Variants in ZMYND8 observed in about 807,000 individuals in gnomAD.
The protein encoded by ZMYND8 is MYND-type zinc finger-containing chromatin reader ZMYND8.
ZMYND8 carries 37 observed loss-of-function variants against 140.8 expected under a neutral mutation model. The observed-to-expected ratio is 0.26, with a 90% CI of 0.20 to 0.35. The LOEUF (loss-of-function observed/expected upper bound fraction) is 0.35. ZMYND8 is among the 10% of genes least tolerant of loss of function. The probability of loss-of-function intolerance (pLI) is 1.00; values close to 1 mark genes in which losing one functional copy is unlikely to be tolerated. For synonymous variants in ZMYND8, 592 were observed against 597.1 expected (o/e 0.99, Z 0.12); for missense variants, 1,068 against 1,570.0 (o/e 0.68, Z 5.40).
At chr20:47,214,977 A>T (rs2035864023) in intron 21 of ZMYND8, among the ~76,000 whole-genome samples, 1 of 152,204 alleles carries the variant, frequency 6.6e-6, no homozygotes, top group Non-Finnish European at 1.5e-5. Context: ...CAGCTACTCA[A>T]GAGGCTGAAG....
rs2077802489 is a variant in ZMYND8 at position 47,298,634 on chromosome 20, A to G, written c.453+95T>C. On this transcript the variant is annotated intron_variant, in intron 4 of 22. Coordinates refer to ENST00000471951, the MANE Select transcript of ZMYND8 (RefSeq NM_001281775.3). This position sits in a 1 kb window ranked among gnomAD's most constrained non-coding sequence, Gnocchi z 5.0. ...GGAAAGCAAGAAATTTCTCTTTTCC[A>G]TCTATCTGGATTATTTGTAAATTTA... The G allele has an allele frequency of 2.0e-6, 3 of 1,526,850 alleles. No homozygotes were observed. Among genetic ancestry groups the G allele is most frequent in the African/African-American group, 2.8e-5 (2 of 72,132 alleles). 94.6% of individuals were successfully genotyped at this position (1,526,850 alleles called of 1,614,324 possible). A position where few individuals can be genotyped will look rare whatever the true frequency, so the allele number is the denominator to read the frequency against.
intron 9 of ZMYND8, among the ~76,000 whole-genome samples, chr20:47,282,987 G>A (rs1010409649): frequency 1.3e-5 from 2 of 152,072 alleles, no homozygotes; most frequent in African/African-American, 4.8e-5. Context: ...GAGATGCAAA[G>A]TATATTTTCT....
At chr20:47,265,663 G>A (rs6018375) in intron 11 of ZMYND8, among the ~76,000 whole-genome samples, 2,643 of 152,200 alleles carry the variant, frequency 0.017, 58 homozygotes, top group African/African-American at 0.06. Flanking sequence ...GGCTGATCTC[G>A]AACTCCTGAC....
intron 19 of ZMYND8, among the ~76,000 whole-genome samples, chr20:47,223,310 A>C (rs2146961008): frequency 6.6e-6 from 1 of 152,164 alleles, no homozygotes; most frequent in African/African-American, 2.4e-5. Context: ...GTTCAAGACC[A>C]GCCTGGCCAA....
chr20:47,286,425 T>G (rs1428036425), intron 8 of ZMYND8, among the ~76,000 whole-genome samples: 2 of 152,132 alleles, frequency 1.3e-5, no homozygotes, highest in African/African-American at 4.8e-5. Context: ...GTGATCTCCC[T>G]GCCTCAGCCT....
chr20:47,313,927 C>T (rs539252478), intron 2 of ZMYND8, among the ~76,000 whole-genome samples: 55 of 151,932 alleles, frequency 3.6e-4, no homozygotes, highest in Admixed American at 3.5e-3. Context: ...AGCAAGACTC[C>T]GTCTCAAAAA....
chr20:47,247,696 C>T (rs1249974674), intron 13 of ZMYND8, among the ~76,000 whole-genome samples: 1 of 152,232 alleles, frequency 6.6e-6, no homozygotes, highest in East Asian at 1.9e-4. Flanking sequence ...AATGGTGCCA[C>T]TGTCCGACTT....
At chr20:47,224,677 G>C (rs996944616) in intron 18 of ZMYND8, 121 bp from the exon 19 acceptor site, 87 of 1,524,334 alleles carry the variant, frequency 5.7e-5, no homozygotes, top group Non-Finnish European at 7.3e-5. Flanking sequence ...AGCCCTGGCT[G>C]TGTGCCCATG....
intron 21 of ZMYND8, 73 bp downstream of exon 21, chr20:47,220,185 C>T: frequency 7.6e-7 from 1 of 1,323,358 alleles, no homozygotes; most frequent in South Asian, 1.3e-5. Context: ...TTCAAATTCT[C>T]CCTGACAAAA....
intron 2 of ZMYND8, chr20:47,319,224 C>G (rs1203051596): frequency 2.7e-6 from 1 of 370,936 alleles, no homozygotes; most frequent in Non-Finnish European, 5.3e-6. Context: ...TGTCCCCGGG[C>G]TTTCGCCTAT....
rs911089885 is a variant in ZMYND8 at position 47,212,104 on chromosome 20, C to T, written c.3568+538G>A. On this transcript the variant is annotated intron_variant, in intron 22 of 22. Transcript: ENST00000471951. The stretch of plus-strand genomic sequence containing the variant: ...CGCCATGCCTATGCTTTTATTTCTC[C>T]GGAAGGACTCTGGGGAGTGATGCAG... 5.3e-5 allele frequency among the ~76,000 whole-genome samples: 8 copies of T among 152,190 alleles called. No homozygotes were observed. In the East Asian group the frequency reaches 5.8e-4, roughly 11 times the overall value.
At chr20:47,218,396 G>C (rs951648052) in intron 21 of ZMYND8, among the ~76,000 whole-genome samples, 5 of 152,094 alleles carry the variant, frequency 3.3e-5, no homozygotes, top group African/African-American at 1.2e-4. Context: ...GTGCCATTTC[G>C]ACACATCCAT....
rs183814560 is a variant in ZMYND8 at position 47,276,893 on chromosome 20, C to T, written c.999-98G>A. 1.7e-5 allele frequency: 17 copies of T among 1,026,464 alleles called. No homozygotes were observed. In the East Asian group the frequency reaches 3.3e-4, roughly 20 times the overall value. 63.6% of individuals were successfully genotyped at this position (1,026,464 alleles called of 1,614,324 possible). On this transcript the variant is annotated intron_variant, in intron 10 of 22. Transcript: ENST00000471951. ...AACCAAATTAGCCAAGCATGTTTGC[C>T]AAGATTCTTATTCTATTAAAAAAAA...
At chr20:47,212,288 T>C (rs3092139) in intron 22 of ZMYND8, among the ~76,000 whole-genome samples, 142,635 of 152,248 alleles carry the variant, frequency 0.94, 66,949 homozygotes, top group East Asian at 1. Flanking sequence ...CCAGGCTGGC[T>C]AATGGAGGGA....
chr20:47,294,311 C>G (rs1281200447), intron 5 of ZMYND8, among the ~76,000 whole-genome samples: 1 of 151,896 alleles, frequency 6.6e-6, no homozygotes, highest in African/African-American at 2.4e-5. Context: ...AACATCACAC[C>G]ACTGCACTCC....
rs2034982141 is a variant in ZMYND8 at position 47,209,514 on chromosome 20, T to A, written c.*1247A>T. 6.6e-6 allele frequency: 1 copy of A among 151,776 alleles called. No homozygotes were observed. The highest frequency in any genetic ancestry group is 1.5e-5 in the Non-Finnish European group (1 of 67,988). The allele number at this position is 151,776 out of a possible 1,614,324, so 9.4% of individuals were successfully genotyped here. ...TTCTTTCTCTCCTGTTTTCTTCTAATACTCTCTTATTTCTTCTCTAATATG... is the reference window on the plus strand; with the variant it reads ...TTCTTTCTCTCCTGTTTTCTTCTAAAACTCTCTTATTTCTTCTCTAATATG... On this transcript the variant is annotated 3_prime_UTR_variant, in exon 23 of 23. Coordinates refer to ENST00000471951, the MANE Select transcript of ZMYND8 (RefSeq NM_001281775.3).
chr20:47,273,559 A>G (rs1373430882), intron 11 of ZMYND8, among the ~76,000 whole-genome samples: 2 of 152,138 alleles, frequency 1.3e-5, no homozygotes, highest in Non-Finnish European at 2.9e-5. Flanking sequence ...AAATATAAAA[A>G]TTTAAATAAG....
At chr20:47,232,175 C>T (rs1265681938) in intron 16 of ZMYND8, among the ~76,000 whole-genome samples, 1 of 152,118 alleles carries the variant, frequency 6.6e-6, no homozygotes, top group Non-Finnish European at 1.5e-5. Context: ...AGTTCGAGAC[C>T]AGCCTGGCCA....
intron 11 of ZMYND8, among the ~76,000 whole-genome samples, chr20:47,267,542 A>G (rs2075620926): frequency 6.6e-6 from 1 of 151,444 alleles, no homozygotes. Flanking sequence ...CCTGCCTATC[A>G]TTTCCCATGG....
Sources: gnomAD v4.1 joint callset for allele counts (sites outside exome capture counted in the v4.1 genomes callset) on GRCh38, gnomAD v4.1.1 for gene constraint, Gnocchi (gnomAD v3.1) non-coding constraint, MANE v1.5 for transcripts, NCBI Gene and HGNC (gene_info 2026-07-23, HGNC 2026-07-21) for gene names.